GABRA4: variants seen among roughly 807,000 people sequenced by gnomAD.
The protein encoded by GABRA4 is gamma-aminobutyric acid receptor subunit alpha-4.
In GABRA4, 12 loss-of-function variants were observed where a neutral mutation model predicts 49.7. That is an observed-to-expected ratio of 0.24 (90% CI 0.15 to 0.39). The LOEUF (loss-of-function observed/expected upper bound fraction) is 0.39, where lower values mean the gene tolerates loss of function less well. GABRA4 is among the 10% of genes least tolerant of loss of function. The pLI is 1.00. For synonymous variants in GABRA4, 288 were observed against 240.2 expected (o/e 1.20, Z -1.84); for missense variants, 506 against 686.0 (o/e 0.74, Z 2.93).
In GABRA4 at chr4:46,993,552, C is replaced by A. The variant is rs1723861369; in HGVS notation, c.-128G>T. 1 of 983,142 alleles carries A rather than the reference C, an allele frequency of 1.0e-6. No homozygotes were observed. Among genetic ancestry groups the A allele is most frequent in the African/African-American group, 1.6e-5 (1 of 62,400 alleles). 60.9% of individuals were successfully genotyped at this position (983,142 alleles called of 1,614,324 possible). On this transcript the variant is annotated 5_prime_UTR_variant, in exon 1 of 9. Coordinates refer to ENST00000264318, the MANE Select transcript of GABRA4 (RefSeq NM_000809.4). ...ACACTCGCGCTCACACTCGCCCGCG[C>A]TCAGCCAGCCCGAGCCGCGGTGGGC...
At chr4:46,993,160 C>CTT (rs1429874847) in intron 1 of GABRA4, among the ~76,000 whole-genome samples, 179 bp downstream of exon 1, 13 of 152,172 alleles carry the variant, frequency 8.5e-5, no homozygotes, top group Non-Finnish European at 1.5e-4. Context: ...TTGGATCCTG[C>CTT]GCCCTTGGTG....
At chr4:46,939,291 A>C (rs1272917203) in intron 8 of GABRA4, among the ~76,000 whole-genome samples, 1 of 152,026 alleles carries the variant, frequency 6.6e-6, no homozygotes, top group Non-Finnish European at 1.5e-5. Flanking sequence ...TTCTAACATA[A>C]TTAATATCTG....
At chr4:46,931,662 T>A (rs114145394) in intron 8 of GABRA4, among the ~76,000 whole-genome samples, 2,037 of 152,264 alleles carry the variant, frequency 0.013, 17 homozygotes, top group Non-Finnish European at 0.022. Flanking sequence ...TTCAATAGTA[T>A]GTGGCGGAAA....
intron 2 of GABRA4, among the ~76,000 whole-genome samples, chr4:46,992,174 A>G (rs1723774865): frequency 6.6e-6 from 1 of 152,230 alleles, no homozygotes; most frequent in African/African-American, 2.4e-5. Flanking sequence ...CAGTGCTGTT[A>G]ATGGATGTAC....
chr4:46,933,108 C>G (rs1037015127), intron 8 of GABRA4, among the ~76,000 whole-genome samples: 1 of 151,996 alleles, frequency 6.6e-6, no homozygotes, highest in South Asian at 2.1e-4. Flanking sequence ...GCAACATGAA[C>G]AGTACCAAAA....
chr4:46,932,503 A>G (rs940537781), intron 8 of GABRA4, among the ~76,000 whole-genome samples: 3 of 152,148 alleles, frequency 2.0e-5, no homozygotes, highest in African/African-American at 7.2e-5. Context: ...CAAGACTTGG[A>G]CATCAGAAAA....
At chr4:46,929,700 T>A (rs1383956878) in intron 8 of GABRA4, among the ~76,000 whole-genome samples, 1 of 151,990 alleles carries the variant, frequency 6.6e-6, no homozygotes, top group East Asian at 1.9e-4. Flanking sequence ...CACGTCTGAG[T>A]TTTTAGAATA....
At chr4:46,945,559 G>T (rs1439093869) in intron 8 of GABRA4, among the ~76,000 whole-genome samples, 1 of 152,040 alleles carries the variant, frequency 6.6e-6, no homozygotes, top group Admixed American at 6.6e-5. Flanking sequence ...GCACACACTA[G>T]AACAGCTTTT....
At chr4:46,975,435 C>T (rs990945773) in intron 5 of GABRA4, among the ~76,000 whole-genome samples, 2 of 151,926 alleles carry the variant, frequency 1.3e-5, no homozygotes, top group African/African-American at 4.8e-5. Flanking sequence ...AATTAAGTAT[C>T]CTTCCTTTGG....
chr4:46,940,010 A>T (rs1020917289), intron 8 of GABRA4, among the ~76,000 whole-genome samples: 1 of 152,074 alleles, frequency 6.6e-6, no homozygotes, highest in African/African-American at 2.4e-5. Flanking sequence ...AGAAAACTGT[A>T]TCTTAACAAG....
chr4:46,926,313 T>C lies in GABRA4; in HGVS notation c.*1912A>G, dbSNP rs1655196990. The C allele has an allele frequency of 6.6e-6, 1 of 151,936 alleles. No homozygotes were observed. The highest frequency in any genetic ancestry group is 2.1e-4 in the South Asian group (1 of 4,828). The allele number at this position is 151,936 out of a possible 1,614,324, so 9.4% of individuals were successfully genotyped here. A position where few individuals can be genotyped will look rare whatever the true frequency, so the allele number is the denominator to read the frequency against. ...GTACTCTTTATTAAATATATACATA[T>C]ATACAGGTGTTACTGGACCTAATTT... On this transcript the variant is annotated 3_prime_UTR_variant, in exon 9 of 9. Coordinates refer to ENST00000264318, the MANE Select transcript of GABRA4 (RefSeq NM_000809.4).
chr4:46,992,655 C>G (rs1320900298), intron 2 of GABRA4, 173 bp downstream of exon 2: 3 of 605,260 alleles, frequency 5.0e-6, no homozygotes, highest in African/African-American at 1.9e-5. Flanking sequence ...TGGGAAAGTA[C>G]GGGTGGAGGC....
chr4:46,961,555 G>T (rs942521992), intron 8 of GABRA4, among the ~76,000 whole-genome samples: 3 of 151,846 alleles, frequency 2.0e-5, no homozygotes, highest in African/African-American at 7.3e-5. Flanking sequence ...AGGAAATCGG[G>T]CACAAAGTTG....
rs1413711673 is a variant in GABRA4, at chr4:46,951,798, G to C, written c.1134+13172C>G. Among the ~76,000 whole-genome samples, 15 of 34,116 alleles carry C rather than the reference G, an allele frequency of 4.4e-4. No homozygotes were observed. The Admixed American group carries it at 6.4e-3, about 14-fold the overall frequency. The allele number at this position is 34,116 out of a possible 152,430, so 22.4% of individuals were successfully genotyped here. ...TGTGTGTATATATATGTGTGTACGTGTGTGTGTGTGTGTGTGTACATATAT... is the reference window on the plus strand; with the variant it reads ...TGTGTGTATATATATGTGTGTACGTCTGTGTGTGTGTGTGTGTACATATAT... On this transcript the variant is annotated intron_variant, in intron 8 of 8. Transcript: ENST00000264318.
intron 8 of GABRA4, among the ~76,000 whole-genome samples, chr4:46,938,424 AG>A (rs1426615854): frequency 6.6e-6 from 1 of 152,140 alleles, no homozygotes; most frequent in Non-Finnish European, 1.5e-5. Context: ...CAAAGGCAAC[AG>A]GGGCACTGTC....
chr4:46,969,444 A>G (rs1192388731), intron 7 of GABRA4, among the ~76,000 whole-genome samples: 1 of 151,552 alleles, frequency 6.6e-6, no homozygotes, highest in Non-Finnish European at 1.5e-5. Context: ...GCTTCAAAAG[A>G]TGATGTGTAA....
At chr4:46,934,147 T>A (rs1577745040) in intron 8 of GABRA4, among the ~76,000 whole-genome samples, 1 of 152,142 alleles carries the variant, frequency 6.6e-6, no homozygotes, top group East Asian at 1.9e-4. Context: ...TGTAACTTAA[T>A]CCTTGTAAAT....
At chr4:46,975,820 T>C (rs1339058739) in intron 5 of GABRA4, among the ~76,000 whole-genome samples, 1 of 151,946 alleles carries the variant, frequency 6.6e-6, no homozygotes, top group African/African-American at 2.4e-5. Flanking sequence ...CTGGCCCCAA[T>C]GAGATCACCC....
intron 8 of GABRA4, among the ~76,000 whole-genome samples, chr4:46,935,242 G>A (rs757319713): frequency 6.6e-6 from 1 of 152,066 alleles, no homozygotes; most frequent in Non-Finnish European, 1.5e-5. Context: ...TGCAAATACC[G>A]AATTTGTCAT....
Sources: gnomAD v4.1 joint callset for allele counts (sites outside exome capture counted in the v4.1 genomes callset) on GRCh38, gnomAD v4.1.1 for gene constraint, MANE v1.5 for transcripts, NCBI Gene and HGNC (gene_info 2026-07-23, HGNC 2026-07-21) for gene names.